Variants in STEAP1B observed in about 807,000 individuals in gnomAD.
STEAP1B encodes the protein STEAP family protein MGC87042.
Under a neutral mutation model 27.9 loss-of-function variants are expected in STEAP1B, and 13 were observed. The observed-to-expected ratio is 0.47, with a 90% CI of 0.30 to 0.74. STEAP1B has a LOEUF of 0.74. Ranked by LOEUF, STEAP1B falls within the 30% of genes least tolerant of loss-of-function variation. The pLI is 0.06. For synonymous variants in STEAP1B, 86 were observed against 107.1 expected (o/e 0.80, Z 1.22); for missense variants, 250 against 298.7 (o/e 0.84, Z 1.20).
chr7:22,472,412 G>T (rs1785900416), intron 4 of STEAP1B, among the ~76,000 whole-genome samples: 2 of 152,308 alleles, frequency 1.3e-5, no homozygotes, highest in East Asian at 3.9e-4. Context: ...AATGTCAAAA[G>T]TATCAGCTTG....
Position 22,457,542 on chromosome 7 carries a change from A to G in STEAP1B, c.762+35023T>C, listed in dbSNP as rs534703422. Among the ~76,000 whole-genome samples, 139 of 152,360 alleles carry G rather than the reference A, an allele frequency of 9.1e-4. 1 individual carries two copies. The highest frequency in any genetic ancestry group is 3.2e-3 in the African/African-American group (132 of 41,590). On this transcript the variant is annotated intron_variant, in intron 4 of 4. Transcript: ENST00000678116. ...CTGCACACTAGGAAATTTGTTCCTG[A>G]GGTAAGTGGCTTCACTAGTGGGTCA...
intron 4 of STEAP1B, among the ~76,000 whole-genome samples, chr7:22,482,684 T>C (rs1017649902): frequency 2.0e-5 from 3 of 152,174 alleles, no homozygotes; most frequent in African/African-American, 4.8e-5. Context: ...GTGGATCCCA[T>C]TTGGCCAAGG....
At chr7:22,454,212 G>C (rs771352068) in intron 4 of STEAP1B, among the ~76,000 whole-genome samples, 1 of 152,186 alleles carries the variant, frequency 6.6e-6, no homozygotes, top group Admixed American at 6.5e-5. Flanking sequence ...CAGCCCTAGG[G>C]ATGAGAGAGA....
intron 4 of STEAP1B, among the ~76,000 whole-genome samples, chr7:22,487,533 G>A (rs1050771402): frequency 3.4e-5 from 5 of 148,884 alleles, no homozygotes; most frequent in African/African-American, 1.0e-4. Context: ...GCTCATGCCT[G>A]TAATCCCAGC....
chr7:22,499,397 T>C (rs1461699058), intron 1 of STEAP1B, among the ~76,000 whole-genome samples: 2 of 151,566 alleles, frequency 1.3e-5, no homozygotes, highest in Non-Finnish European at 2.9e-5. Context: ...TTTTTCACTG[T>C]GCTGTTTTTC....
intron 4 of STEAP1B, among the ~76,000 whole-genome samples, chr7:22,445,419 G>A (rs28687791): frequency 0.019 from 2,883 of 152,358 alleles, 111 homozygotes; most frequent in African/African-American, 0.066. Flanking sequence ...TCCTCCCCTC[G>A]TCTTGTCAGC....
At chr7:22,487,745 C>T (rs1236587529) in intron 4 of STEAP1B, among the ~76,000 whole-genome samples, 3 of 139,902 alleles carry the variant, frequency 2.1e-5, no homozygotes, top group Non-Finnish European at 4.5e-5. Flanking sequence ...GCGGAGGTTA[C>T]GATGAACCAA....
At chr7:22,426,192 TA>T (rs11395635) in intron 4 of STEAP1B, among the ~76,000 whole-genome samples, 108,754 of 151,996 alleles carry the variant, frequency 0.72, 39,303 homozygotes, top group Middle Eastern at 0.79. Flanking sequence ...GGGCACTGCA[TA>T]AAAAAATGAA....
At chr7:22,461,000 T>C (rs1391738188) in intron 4 of STEAP1B, among the ~76,000 whole-genome samples, 6 of 152,158 alleles carry the variant, frequency 3.9e-5, no homozygotes, top group Non-Finnish European at 8.8e-5. Context: ...GGCAATACAT[T>C]GATAAATGAC....
At chr7:22,490,535 T>C (rs1786303214) in intron 4 of STEAP1B, among the ~76,000 whole-genome samples, 1 of 152,232 alleles carries the variant, frequency 6.6e-6, no homozygotes, top group Non-Finnish European at 1.5e-5. Flanking sequence ...TATGACACAT[T>C]ATTATTCTCT....
intron 4 of STEAP1B, among the ~76,000 whole-genome samples, chr7:22,466,672 AC>A (rs1785790055): frequency 6.6e-6 from 1 of 152,142 alleles, no homozygotes; most frequent in African/African-American, 2.4e-5. Flanking sequence ...GGCAAAACTC[AC>A]TTGTCCAAAC....
intron 4 of STEAP1B, among the ~76,000 whole-genome samples, chr7:22,480,144 C>T (rs190825754): frequency 6.6e-6 from 1 of 152,226 alleles, no homozygotes; most frequent in East Asian, 1.9e-4. Flanking sequence ...TAAATGACTA[C>T]TTTTTTGGTT....
chr7:22,425,261 A>T (rs1347927488), intron 4 of STEAP1B, among the ~76,000 whole-genome samples: 1 of 152,220 alleles, frequency 6.6e-6, no homozygotes, highest in Non-Finnish European at 1.5e-5. Context: ...TACTGTTCAT[A>T]TACTTTTTAA....
chr7:22,465,158 C>T (rs749303589), intron 4 of STEAP1B, among the ~76,000 whole-genome samples: 3 of 151,418 alleles, frequency 2.0e-5, no homozygotes, highest in Non-Finnish European at 2.9e-5. Context: ...GTAGCATTGA[C>T]AATATGGAAA....
intron 4 of STEAP1B, among the ~76,000 whole-genome samples, chr7:22,471,961 A>T (rs554399860): frequency 9.2e-5 from 14 of 151,830 alleles, no homozygotes; most frequent in African/African-American, 2.7e-4. Context: ...TAACTACTTT[A>T]AAAGGCTGTG....
At chr7:22,453,509 C>T (rs1408830879) in intron 4 of STEAP1B, among the ~76,000 whole-genome samples, 10 of 152,232 alleles carry the variant, frequency 6.6e-5, no homozygotes, top group African/African-American at 2.2e-4. Context: ...CTAGTCTACA[C>T]AGCTCTGTAC....
Position 22,486,865 on chromosome 7 carries a change from A to C in STEAP1B, c.762+5700T>G, listed in dbSNP as rs1384452741. 3.3e-5 allele frequency among the ~76,000 whole-genome samples: 5 copies of C among 151,982 alleles called. No individual in the cohort carries two copies. In the East Asian group the frequency reaches 9.7e-4, roughly 30 times the overall value. On this transcript the variant is annotated intron_variant, in intron 4 of 4. Transcript: ENST00000678116. Reference sequence around the variant, plus strand: ...CTCAGGCTGCCCTGGGGATGATGACATCCCACACTCTCGGACTCCTGGCTC... The same window carrying C: ...CTCAGGCTGCCCTGGGGATGATGACCTCCCACACTCTCGGACTCCTGGCTC...
At chr7:22,484,558 C>G (rs10236362) in intron 4 of STEAP1B, among the ~76,000 whole-genome samples, 50,464 of 151,766 alleles carry the variant, frequency 0.33, 8,362 homozygotes, top group East Asian at 0.45. Context: ...TGCAAGGAGA[C>G]GAATGTTTTG....
intron 4 of STEAP1B, among the ~76,000 whole-genome samples, chr7:22,435,128 C>T (rs1422443509): frequency 1.3e-5 from 2 of 152,038 alleles, no homozygotes; most frequent in Admixed American, 6.5e-5. Context: ...CCAGATTTAC[C>T]GAAACAAGTG....
Sources: gnomAD v4.1 joint callset for allele counts (sites outside exome capture counted in the v4.1 genomes callset) on GRCh38, gnomAD v4.1.1 for gene constraint, MANE v1.5 for transcripts, NCBI Gene and HGNC (gene_info 2026-07-23, HGNC 2026-07-21) for gene names.